Variants in STK32B observed in about 807,000 individuals in gnomAD.
The protein encoded by STK32B is serine/threonine kinase 32B, also known as serine/threonine-protein kinase 32B.
A neutral mutation model predicts 52.6 loss-of-function variants in STK32B; 43 were observed. The ratio of observed to expected loss-of-function variants is 0.82; its 90% CI spans 0.64 to 1.05. STK32B has a LOEUF of 1.05. Ranked by LOEUF, STK32B falls within the 50% of genes least tolerant of loss-of-function variation. The pLI, the probability that STK32B is intolerant of heterozygous loss-of-function variation, is 0.00. For missense variants in STK32B, 621 were observed against 534.6 expected (o/e 1.16, Z -1.59); for synonymous variants, 238 against 204.3 (o/e 1.17, Z -1.41).
chr4:5,426,904 A>T (rs1446090758), intron 6 of STK32B: 2 of 152,160 alleles, frequency 1.3e-5, no homozygotes, highest in Non-Finnish European at 1.5e-5. Flanking sequence ...CAGGTGAAGC[A>T]GTGGGACTGC....
At chr4:5,120,125 C>T (rs1335991901) in intron 1 of STK32B, among the ~76,000 whole-genome samples, 1 of 152,168 alleles carries the variant, frequency 6.6e-6, no homozygotes, top group Non-Finnish European at 1.5e-5. Context: ...CATGAATCTC[C>T]CTTTGTCCAG....
intron 3 of STK32B, among the ~76,000 whole-genome samples, chr4:5,311,989 A>G (rs997051282): frequency 6.6e-6 from 1 of 151,442 alleles, no homozygotes; most frequent in Non-Finnish European, 1.5e-5. Context: ...ACAGTACACA[A>G]AAATTTAAGG....
At chr4:5,485,986 A>C (rs532676561) in intron 11 of STK32B, among the ~76,000 whole-genome samples, 1 of 152,208 alleles carries the variant, frequency 6.6e-6, no homozygotes, top group Non-Finnish European at 1.5e-5. Context: ...GTGAGGTGTC[A>C]GTCTGCCCCT....
At chr4:5,167,918 A>G (rs1400855317) in intron 2 of STK32B, among the ~76,000 whole-genome samples, 2 of 152,200 alleles carry the variant, frequency 1.3e-5, no homozygotes, top group African/African-American at 2.4e-5. Context: ...GCACAGACGG[A>G]GTCTGCGACA....
At chr4:5,390,571 C>G (rs1486682945) in intron 4 of STK32B, among the ~76,000 whole-genome samples, 1 of 152,172 alleles carries the variant, frequency 6.6e-6, no homozygotes, top group Admixed American at 6.5e-5. Flanking sequence ...GTCCCTCTGT[C>G]TCTGTCTTCA....
At chr4:5,440,594 A>G (rs1346778068) in intron 6 of STK32B, among the ~76,000 whole-genome samples, 4 of 152,146 alleles carry the variant, frequency 2.6e-5, no homozygotes, top group African/African-American at 7.2e-5. Context: ...AATACCCTTT[A>G]TTTCCTTCTC....
chr4:5,226,977 G>A (rs1023299679), intron 3 of STK32B, among the ~76,000 whole-genome samples: 2 of 152,080 alleles, frequency 1.3e-5, no homozygotes, highest in African/African-American at 4.8e-5. Flanking sequence ...GGGAGGAAAT[G>A]CCATTGTTTG....
intron 3 of STK32B, among the ~76,000 whole-genome samples, chr4:5,305,248 G>T (rs1202272345): frequency 6.7e-6 from 1 of 150,052 alleles, no homozygotes; most frequent in Non-Finnish European, 1.5e-5. Context: ...TTTTGGAATA[G>T]TGTCTCAGTA....
intron 3 of STK32B, among the ~76,000 whole-genome samples, chr4:5,249,831 A>C (rs1013455392): frequency 6.6e-6 from 1 of 152,110 alleles, no homozygotes; most frequent in African/African-American, 2.4e-5. Context: ...TGCATGTCAC[A>C]GGGGTTTGGT....
At chr4:5,159,454 A>G (rs911341081) in intron 2 of STK32B, among the ~76,000 whole-genome samples, 1 of 146,976 alleles carries the variant, frequency 6.8e-6, no homozygotes, top group Non-Finnish European at 1.5e-5. Flanking sequence ...GTGTAACTAT[A>G]TATATATATA....
At chr4:5,365,840 A>C (rs780705691) in intron 4 of STK32B, among the ~76,000 whole-genome samples, 1 of 152,182 alleles carries the variant, frequency 6.6e-6, no homozygotes, top group Non-Finnish European at 1.5e-5. Context: ...ATGTGTTTGC[A>C]TGTCACAAAG....
intron 11 of STK32B, among the ~76,000 whole-genome samples, chr4:5,475,453 G>C (rs1436864772): frequency 7.0e-6 from 1 of 143,734 alleles, no homozygotes; most frequent in Non-Finnish European, 1.5e-5. Context: ...AGCGTGACTG[G>C]CTTGGGAGGC....
chr4:5,053,623 C>T (rs1187474765), intron 1 of STK32B, among the ~76,000 whole-genome samples: 1 of 152,106 alleles, frequency 6.6e-6, no homozygotes, highest in Non-Finnish European at 1.5e-5. Flanking sequence ...TTTTCCTGTT[C>T]CTGTTCCTTA....
chr4:5,153,877 T>C (rs561259482), intron 2 of STK32B, among the ~76,000 whole-genome samples: 2 of 152,316 alleles, frequency 1.3e-5, no homozygotes, highest in East Asian at 3.9e-4. Flanking sequence ...TGTTTATGCT[T>C]TGGAATATTT....
At chr4:5,248,261 A>G (rs1327085765) in intron 3 of STK32B, among the ~76,000 whole-genome samples, 2 of 152,186 alleles carry the variant, frequency 1.3e-5, no homozygotes, top group African/African-American at 4.8e-5. Flanking sequence ...GCTCTCTGTA[A>G]TACATGTTAT....
At chr4:5,156,156 G>A (rs1717823426) in intron 2 of STK32B, among the ~76,000 whole-genome samples, 1 of 151,188 alleles carries the variant, frequency 6.6e-6, no homozygotes, top group South Asian at 2.1e-4. Context: ...ATATGTATAT[G>A]TGTATACATA....
chr4:5,153,034 T>A (rs1290566920), intron 2 of STK32B, among the ~76,000 whole-genome samples: 2 of 152,220 alleles, frequency 1.3e-5, no homozygotes, highest in African/African-American at 4.8e-5. Flanking sequence ...GTTTTACAAA[T>A]GATGAATCCG....
chr4:5,360,921 A>G (rs993427727), intron 4 of STK32B, among the ~76,000 whole-genome samples: 1 of 152,238 alleles, frequency 6.6e-6, no homozygotes, highest in African/African-American at 2.4e-5. Context: ...ATGCTGTGCA[A>G]CCAATCTCCA....
intron 3 of STK32B, among the ~76,000 whole-genome samples, chr4:5,242,762 T>C (rs1317916744): frequency 4.3e-4 from 65 of 152,226 alleles, no homozygotes; most frequent in Admixed American, 9.8e-4. Flanking sequence ...GTATAAGGTG[T>C]AAGGAAGGGA....
Sources: allele counts gnomAD v4.1 joint callset (sites outside exome capture counted in the v4.1 genomes callset), GRCh38; gene constraint gnomAD v4.1.1; transcripts MANE v1.5; gene names NCBI Gene and HGNC (gene_info 2026-07-23, HGNC 2026-07-21).